Variants in RGMA observed in about 807,000 individuals in gnomAD.
RGMA encodes repulsive guidance molecule BMP co-receptor a.
RGMA carries 10 observed loss-of-function variants against 23.2 expected under a neutral mutation model. That is an observed-to-expected ratio of 0.43 (90% CI 0.27 to 0.73). The LOEUF (loss-of-function observed/expected upper bound fraction) is 0.73, where lower values mean the gene tolerates loss of function less well. RGMA is among the 30% of genes least tolerant of loss of function. The probability of loss-of-function intolerance (pLI) is 0.20; values close to 1 mark genes in which losing one functional copy is unlikely to be tolerated. For synonymous variants in RGMA, 308 were observed against 279.3 expected (o/e 1.10, Z -1.03); for missense variants, 547 against 630.5 (o/e 0.87, Z 1.42).
chr15:93,069,208 C>G (rs763307769), intron 2 of RGMA, among the ~76,000 whole-genome samples: 1 of 152,168 alleles, frequency 6.6e-6, no homozygotes, highest in Non-Finnish European at 1.5e-5. Flanking sequence ...CTCCCGGGTT[C>G]GGGCGATTCT....
chr15:93,035,722 G>C lies in RGMA; in HGVS notation c.*9276C>G, dbSNP rs1207014354. 6.6e-6 allele frequency: 1 copy of C among 152,278 alleles called. No individual in the cohort carries two copies. The highest frequency in any genetic ancestry group is 1.5e-5 in the Non-Finnish European group (1 of 68,092). The allele number at this position is 152,278 out of a possible 1,614,324, so 9.4% of individuals were successfully genotyped here. A position where few individuals can be genotyped will look rare whatever the true frequency, so the allele number is the denominator to read the frequency against. ...GAGATGGGTCAAGGCGGGGATCATTGTCAGAACTCAGATTCTAGCCCGACT... is the reference window on the plus strand; with the variant it reads ...GAGATGGGTCAAGGCGGGGATCATTCTCAGAACTCAGATTCTAGCCCGACT... On this transcript the variant is annotated 3_prime_UTR_variant, in exon 4 of 4. Transcript: ENST00000329082.
chr15:93,067,472 A>G (rs1895194770), intron 2 of RGMA, among the ~76,000 whole-genome samples: 1 of 152,188 alleles, frequency 6.6e-6, no homozygotes. Context: ...GCTTTACAAG[A>G]GGACAAAAAC....
At chr15:93,073,128 C>A (rs879515629) in intron 1 of RGMA, 97 bp from the exon 2 acceptor site, 9 of 1,291,980 alleles carry the variant, frequency 7.0e-6, no homozygotes, top group Non-Finnish European at 7.9e-6. Context: ...CGGGAGGCTC[C>A]GTCCACCTCG....
chr15:93,072,343 A>G (rs1895354532), intron 2 of RGMA, among the ~76,000 whole-genome samples: 2 of 152,322 alleles, frequency 1.3e-5, no homozygotes, highest in South Asian at 4.1e-4. Flanking sequence ...ATAAAAACAA[A>G]CAGGGGGCGA....
intron 1 of RGMA, among the ~76,000 whole-genome samples, chr15:93,078,289 C>T (rs929568868): frequency 7.9e-5 from 12 of 152,304 alleles, no homozygotes; most frequent in African/African-American, 2.6e-4. Context: ...TTGCCAACCT[C>T]GCAAGCGTAG....
chr15:93,045,057 G>C lies in RGMA; in HGVS notation c.1294C>G (p.Pro432Ala). Residue 432 changes from proline (P) to alanine (A), a missense_variant, in exon 4 of 4, where the codon CCC (proline) becomes GCC (alanine). Transcript: ENST00000329082. This position sits in a 1 kb window ranked among gnomAD's most constrained non-coding sequence, Gnocchi z 6.9. ...GRAAAGLPLA[P>A]RPLLGALVPL... is the part of the protein sequence containing the mutation. Reference sequence around the variant, plus strand: ...ACGAGGGCGCCCAGGAGGGGCCGGGGGGCCAGGGGCAGCCCCGCAGCCGCC... The same window carrying C: ...ACGAGGGCGCCCAGGAGGGGCCGGGCGGCCAGGGGCAGCCCCGCAGCCGCC... 6.3e-7 allele frequency: 1 copy of C among 1,576,440 alleles called. No individual in the cohort carries two copies. The highest frequency in any genetic ancestry group is 1.2e-5 in the South Asian group (1 of 86,460).
Position 93,051,027 on chromosome 15 carries a change from C to A in RGMA, c.645+966G>T, listed in dbSNP as rs562308723. 2.0e-5 allele frequency among the ~76,000 whole-genome samples: 3 copies of A among 152,268 alleles called. No homozygotes were observed. The South Asian group carries it at 6.2e-4, about 32-fold the overall frequency. ...AGGGTGGAGTGTACCGGCTGCAAGT[C>A]TTCTCCATTAGGTGTCATGTTGTGG... is the stretch of plus-strand genomic sequence containing the variant. On this transcript the variant is annotated intron_variant, in intron 3 of 3. Coordinates refer to ENST00000329082, the MANE Select transcript of RGMA (RefSeq NM_020211.3).
chr15:93,084,799 T>C (rs983444407), intron 1 of RGMA, among the ~76,000 whole-genome samples: 1 of 152,136 alleles, frequency 6.6e-6, no homozygotes, highest in Admixed American at 6.5e-5. Flanking sequence ...ATAGACAATC[T>C]GGAGAGGAGA....
intron 3 of RGMA, among the ~76,000 whole-genome samples, chr15:93,047,369 C>T (rs1290065667): frequency 6.6e-6 from 1 of 152,152 alleles, no homozygotes; most frequent in Non-Finnish European, 1.5e-5. Flanking sequence ...GTGCCTTGGT[C>T]CCCCTGGACC....
intron 1 of RGMA, 23 bp from the exon 2 acceptor site, chr15:93,073,054 A>AAAGG: frequency 1.3e-6 from 2 of 1,544,902 alleles, no homozygotes; most frequent in South Asian, 1.2e-5. Flanking sequence ...TTCAGAAAAA[A>AAAGG]AGAAGAAAAT....
intron 1 of RGMA, among the ~76,000 whole-genome samples, chr15:93,081,925 G>A (rs1335687740): frequency 6.6e-6 from 1 of 152,188 alleles, no homozygotes; most frequent in Admixed American, 6.5e-5. Flanking sequence ...ATTTGTCAAG[G>A]CTAAGGGAAT....
At chr15:93,075,148 C>A (rs1477903588) in intron 1 of RGMA, among the ~76,000 whole-genome samples, 2 of 147,308 alleles carry the variant, frequency 1.4e-5, no homozygotes, top group Admixed American at 6.8e-5. Flanking sequence ...AACTATGTTA[C>A]AATTTAAAAG....
chr15:93,073,571 C>A, intron 1 of RGMA: 3 of 1,532,310 alleles, frequency 2.0e-6, no homozygotes, highest in Non-Finnish European at 2.6e-6. Context: ...TACTTTCCAA[C>A]CAGACTGCCG....
At chr15:93,064,532 C>T (rs576711633) in intron 2 of RGMA, among the ~76,000 whole-genome samples, 1 of 152,320 alleles carries the variant, frequency 6.6e-6, no homozygotes, top group African/African-American at 2.4e-5. Context: ...GGGGGAAGAA[C>T]AAATGCAAGC....
chr15:93,084,633 C>T (rs1253443124), intron 1 of RGMA, among the ~76,000 whole-genome samples: 3 of 152,042 alleles, frequency 2.0e-5, no homozygotes, highest in East Asian at 1.9e-4. Flanking sequence ...CCGCCACACC[C>T]GGCCAGTTTT....
intron 2 of RGMA, among the ~76,000 whole-genome samples, chr15:93,072,148 G>T (rs971700736): frequency 6.6e-6 from 1 of 152,036 alleles, no homozygotes; most frequent in Non-Finnish European, 1.5e-5. Flanking sequence ...TGGAGCGTTT[G>T]GGAAGGAACA....
intron 1 of RGMA, among the ~76,000 whole-genome samples, chr15:93,085,667 TA>T (rs1250981044): frequency 6.6e-6 from 1 of 152,252 alleles, no homozygotes; most frequent in African/African-American, 2.4e-5. Context: ...TAAAACTTTT[TA>T]TATGAGGTTA....
intron 2 of RGMA, among the ~76,000 whole-genome samples, chr15:93,068,595 G>A (rs967729278): frequency 6.6e-6 from 1 of 152,150 alleles, no homozygotes; most frequent in Non-Finnish European, 1.5e-5. Context: ...ACACCCTCAG[G>A]GCCTAGTGGC....
In RGMA at chr15:93,052,424, T is replaced by G; in HGVS notation, c.214A>C (p.Thr72Pro). ...CGCAAGGCTGCACAGAACTCGGGGG[T>G]GTCGTCTGAGGCTGGGGCGTGGCTG... ...SGSHAPASDD[T>P]PEFCAALRSY... The change falls in exon 3 of 4, where the codon ACC becomes CCC. Residue 72 changes from threonine to proline, a missense_variant. Physicochemically the swap from Thr to Pro is conservative, Grantham distance 38. Coordinates refer to ENST00000329082, the MANE Select transcript of RGMA (RefSeq NM_020211.3). The G allele has an allele frequency of 1.3e-6, 2 of 1,596,106 alleles. No homozygotes were observed. The highest frequency in any genetic ancestry group is 1.7e-5 in the Admixed American group (1 of 59,798).
Sources: gnomAD v4.1 joint callset for allele counts (sites outside exome capture counted in the v4.1 genomes callset) on GRCh38, gnomAD v4.1.1 for gene constraint, Gnocchi (gnomAD v3.1) non-coding constraint, MANE v1.5 for transcripts, NCBI Gene and HGNC (gene_info 2026-07-23, HGNC 2026-07-21) for gene names.